RBL1: variants seen among roughly 807,000 people sequenced by gnomAD.
RBL1 encodes retinoblastoma-like protein 1.
Under a neutral mutation model 123.0 loss-of-function variants are expected in RBL1, and 82 were observed. The observed-to-expected ratio is 0.67, with a 90% CI of 0.56 to 0.80. RBL1 has a LOEUF of 0.80. Ranked by LOEUF, RBL1 falls within the 30% of genes least tolerant of loss-of-function variation. RBL1 has a pLI of 0.00. For missense variants in RBL1, 1,171 were observed against 1,299.6 expected, an observed-to-expected ratio of 0.90 and a Z score of 1.52; for synonymous variants, 405 against 441.3, an observed-to-expected ratio of 0.92 and a Z score of 1.03.
chr20:37,044,131 C>G lies in RBL1; in HGVS notation c.1725G>C (p.Trp575Cys), dbSNP rs953265198. Residue 575 changes from tryptophan to cysteine, a missense_variant, in exon 13 of 22, where the codon TGG becomes TGC. By Grantham distance (215) the Trp-to-Cys change is radical. Transcript: ENST00000373664. ...TGTTTGCAGAAACCTGGAGAGCCTC[C>G]CACAGTGCAGAATCGTGACTCCATG... ...SLAWSHDSAL[W>C]EALQVSANKV... 1.2e-6 allele frequency: 2 copies of G among 1,612,788 alleles called. No individual in the cohort carries two copies. The highest frequency in any genetic ancestry group is 1.7e-6 in the Non-Finnish European group (2 of 1,179,588).
At chr20:37,057,005 C>G (rs1007972342) in intron 9 of RBL1, among the ~76,000 whole-genome samples, 781 of 37,036 alleles carry the variant, frequency 0.021, 7 homozygotes, top group African/African-American at 0.073. Context: ...ATCTATCTAT[C>G]TACCTACCTA....
chr20:37,047,251 A>G (rs2064831154), intron 11 of RBL1, 61 bp from the exon 12 acceptor site: 1 of 1,532,042 alleles, frequency 6.5e-7, no homozygotes, highest in South Asian at 1.3e-5. Flanking sequence ...TTGCCATTCC[A>G]TAAAGAAACC....
chr20:37,055,309 G>GAAAAAAAAAA (rs59560599), intron 11 of RBL1, among the ~76,000 whole-genome samples: 1 of 84,032 alleles, frequency 1.2e-5, no homozygotes. Flanking sequence ...ATGAAGGACA[G>GAAAAAAAAAA]AAAAAAAAAA....
intron 14 of RBL1, among the ~76,000 whole-genome samples, chr20:37,035,783 T>C (rs1269294030): frequency 6.6e-6 from 1 of 152,062 alleles, no homozygotes; most frequent in African/African-American, 2.4e-5. Context: ...AAAGTAGAGG[T>C]TGAGAGGTAG....
chr20:37,004,650 T>G (rs2064040404), intron 20 of RBL1, among the ~76,000 whole-genome samples: 2 of 139,896 alleles, frequency 1.4e-5, no homozygotes, highest in Non-Finnish European at 3.0e-5. Context: ...GAGGCAGAGG[T>G]GTTGCAGTGA....
intron 14 of RBL1, among the ~76,000 whole-genome samples, chr20:37,037,790 C>T (rs1434063471): frequency 6.6e-6 from 1 of 151,688 alleles, no homozygotes; most frequent in Admixed American, 6.6e-5. Flanking sequence ...ATTCTCTTGC[C>T]TCACTCTTGC....
At chr20:37,008,797 T>A (rs747172614) in intron 19 of RBL1, among the ~76,000 whole-genome samples, 37 of 151,708 alleles carry the variant, frequency 2.4e-4, no homozygotes, top group Non-Finnish European at 4.9e-4. Flanking sequence ...AATTTGGATG[T>A]CTTTTTCACT....
intron 1 of RBL1, among the ~76,000 whole-genome samples, 153 bp downstream of exon 1, chr20:37,095,620 G>A (rs1354768657): frequency 6.6e-6 from 1 of 152,152 alleles, no homozygotes; most frequent in African/African-American, 2.4e-5. Flanking sequence ...GATTGGCTGA[G>A]CTACACCCAC....
intron 20 of RBL1, 25 bp downstream of exon 20, chr20:37,007,386 T>C: frequency 6.3e-7 from 1 of 1,599,396 alleles, no homozygotes; most frequent in Non-Finnish European, 8.5e-7. Context: ...CAAATAATAA[T>C]AAAGTAGTAA....
chr20:37,078,883 G>C (rs1199921721), intron 2 of RBL1, among the ~76,000 whole-genome samples: 1 of 150,936 alleles, frequency 6.6e-6, no homozygotes, highest in Non-Finnish European at 1.5e-5. Context: ...TCTTTTTTTG[G>C]GGGGCGGGCA....
At chr20:37,039,969 T>C (rs749294456) in intron 14 of RBL1, among the ~76,000 whole-genome samples, 184 bp downstream of exon 14, 2 of 152,106 alleles carry the variant, frequency 1.3e-5, no homozygotes, top group Non-Finnish European at 2.9e-5. Context: ...GAATACACTA[T>C]AGTATATAAT....
Position 37,040,135 on chromosome 20 carries a change from T to A in RBL1, c.1903+18A>T, listed in dbSNP as rs1419290249. ...GCCCTTTGTTACTTTTTCATTCCTT[T>A]ACCAATGTTGAACCTACCTCTTCGA... On this transcript the variant is annotated intron_variant, in intron 14 of 21. Coordinates refer to ENST00000373664, the MANE Select transcript of RBL1 (RefSeq NM_002895.5). The A allele has an allele frequency of 6.2e-7, 1 of 1,609,906 alleles. No individual in the cohort carries two copies. Among genetic ancestry groups the A allele is most frequent in the Admixed American group, 1.7e-5 (1 of 58,874 alleles).
intron 8 of RBL1, 40 bp from the exon 9 acceptor site, chr20:37,061,309 C>T: frequency 6.3e-7 from 1 of 1,595,824 alleles, no homozygotes; most frequent in Non-Finnish European, 8.6e-7. Flanking sequence ...TAAAAGTTAC[C>T]ATCTTCCTTA....
chr20:37,007,673 GCC>G, intron 19 of RBL1, 114 bp from the exon 20 acceptor site: 1 of 999,060 alleles, frequency 1.0e-6, no homozygotes, highest in South Asian at 1.7e-5. Flanking sequence ...GCTCACTGCA[GCC>G]CTGACCTCCT....
chr20:37,044,678 T>G (rs1477480560), intron 12 of RBL1, among the ~76,000 whole-genome samples: 1 of 152,206 alleles, frequency 6.6e-6, no homozygotes, highest in South Asian at 2.1e-4. Context: ...AAAGTCATCT[T>G]TGAACCATAA....
In RBL1 at chr20:37,068,122, G is replaced by A. The variant is rs757396443; in HGVS notation, c.355C>T (p.Arg119Cys). Residue 119 changes from arginine to cysteine, a missense_variant, in exon 3 of 22, where the codon CGT becomes TGT. Physicochemically the swap from Arg to Cys is radical, Grantham distance 180. Transcript: ENST00000373664. ...CTCTCTAGCCTTTCTATACGTTCAC[G>A]AAATTCTTGTGGTAGATTTGACATG... ...MDMSNLPQEF[R>C]ERIERLERNF... 2.0e-5 allele frequency: 32 copies of A among 1,611,838 alleles called. No homozygotes were observed. The highest frequency in any genetic ancestry group is 2.4e-5 in the Non-Finnish European group (28 of 1,179,512).
intron 3 of RBL1, 31 bp from the exon 4 acceptor site, chr20:37,067,328 G>A: frequency 6.7e-7 from 1 of 1,482,350 alleles, no homozygotes; most frequent in African/African-American, 1.4e-5. Flanking sequence ...CTTTTTGTCT[G>A]ACTAGCTCGC....
At chr20:37,081,942 A>T (rs1268647646) in intron 2 of RBL1, 1 of 455,146 alleles carries the variant, frequency 2.2e-6, no homozygotes, top group African/African-American at 2.0e-5. Context: ...GGCTCCAATT[A>T]TAATATCAGT....
chr20:37,045,081 C>CTTACTTAT (rs1555857366), intron 12 of RBL1, among the ~76,000 whole-genome samples: 6,390 of 146,146 alleles, frequency 0.044, 173 homozygotes, highest in African/African-American at 0.079. Flanking sequence ...CATTTATTTA[C>CTTACTTAT]TTATTTATTT....
Sources: allele counts gnomAD v4.1 joint callset (sites outside exome capture counted in the v4.1 genomes callset), GRCh38; gene constraint gnomAD v4.1.1; transcripts MANE v1.5; gene names NCBI Gene and HGNC (gene_info 2026-07-23, HGNC 2026-07-21).